Variants in SNTG1 observed in about 807,000 individuals in gnomAD.
SNTG1 encodes syntrophin gamma 1.
SNTG1 carries 39 observed loss-of-function variants against 74.7 expected under a neutral mutation model. The ratio of observed to expected loss-of-function variants is 0.52; its 90% CI spans 0.40 to 0.68. The LOEUF (loss-of-function observed/expected upper bound fraction) is 0.68. Ranked by LOEUF, SNTG1 falls within the 30% of genes least tolerant of loss-of-function variation. The pLI, the probability that SNTG1 is intolerant of heterozygous loss-of-function variation, is 0.00. For missense variants in SNTG1, 685 were observed against 609.5 expected, an observed-to-expected ratio of 1.12 and a Z score of -1.30; for synonymous variants, 254 against 217.1, an observed-to-expected ratio of 1.17 and a Z score of -1.49.
chr8:50,750,093 G>T (rs563395796), intron 17 of SNTG1, among the ~76,000 whole-genome samples: 4 of 152,056 alleles, frequency 2.6e-5, no homozygotes, highest in South Asian at 2.1e-4. Flanking sequence ...CATGGGAGGA[G>T]GTCAAAATAT....
chr8:50,041,219 A>G (rs977668776), intron 1 of SNTG1, among the ~76,000 whole-genome samples: 5 of 152,116 alleles, frequency 3.3e-5, no homozygotes, highest in Admixed American at 3.3e-4. Flanking sequence ...AGTTAAAATA[A>G]AATAGTATTA....
chr8:50,412,351 C>T (rs1186314835), intron 4 of SNTG1, among the ~76,000 whole-genome samples: 3 of 152,020 alleles, frequency 2.0e-5, no homozygotes, highest in African/African-American at 7.2e-5. Flanking sequence ...AAGGTGACTC[C>T]TTCTTTCTTC....
At chr8:50,779,849 T>C (rs1016146208) in intron 18 of SNTG1, among the ~76,000 whole-genome samples, 1 of 152,134 alleles carries the variant, frequency 6.6e-6, no homozygotes, top group African/African-American at 2.4e-5. Context: ...TTGTCACAGA[T>C]AGCTCTTATT....
intron 18 of SNTG1, among the ~76,000 whole-genome samples, chr8:50,786,669 G>A (rs1237083530): frequency 6.6e-6 from 1 of 151,928 alleles, no homozygotes; most frequent in African/African-American, 2.4e-5. Context: ...GAATACAATT[G>A]AGAGTCTAGA....
At chr8:50,554,304 A>G (rs1398591179) in intron 12 of SNTG1, among the ~76,000 whole-genome samples, 5 of 152,028 alleles carry the variant, frequency 3.3e-5, no homozygotes, top group African/African-American at 4.8e-5. Context: ...TGCATGGTCA[A>G]TTTTACCAGG....
At chr8:50,210,545 C>G (rs1586704672) in intron 2 of SNTG1, among the ~76,000 whole-genome samples, 1 of 152,178 alleles carries the variant, frequency 6.6e-6, no homozygotes, top group Non-Finnish European at 1.5e-5. Context: ...AGAAACTGTA[C>G]AAGCCAGAAG....
At chr8:50,405,153 G>A (rs138215746) in intron 4 of SNTG1, among the ~76,000 whole-genome samples, 259 of 151,982 alleles carry the variant, frequency 1.7e-3, no homozygotes, top group African/African-American at 6.0e-3. Flanking sequence ...TCAATTATTT[G>A]GTGTATATAC....
intron 18 of SNTG1, among the ~76,000 whole-genome samples, chr8:50,755,041 C>G (rs1431724276): frequency 2.0e-5 from 3 of 151,776 alleles, no homozygotes; most frequent in Admixed American, 6.6e-5. Flanking sequence ...AGCACAGCCC[C>G]CTCTGTAGTC....
rs555041958 is a variant in SNTG1, at chr8:50,544,190, G to A, written c.680+7382G>A. Among the ~76,000 whole-genome samples the A allele has an allele frequency of 1.5e-4, 23 of 151,710 alleles. No individual in the cohort carries two copies. The South Asian group carries it at 4.8e-3, about 32-fold the overall frequency. On this transcript the variant is annotated intron_variant, in intron 11 of 18. Coordinates refer to ENST00000642720, the MANE Select transcript of SNTG1 (RefSeq NM_018967.5). ...TATTCGTGTTTTTGTTATCATTTAA[G>A]TTATCGCCTAAGCATTATCATAGAG...
intron 9 of SNTG1, among the ~76,000 whole-genome samples, chr8:50,521,802 C>G (rs901958947): frequency 2.6e-5 from 4 of 152,034 alleles, no homozygotes; most frequent in African/African-American, 9.7e-5. Context: ...CTCAAGAAAA[C>G]ACTCATGAGA....
intron 2 of SNTG1, among the ~76,000 whole-genome samples, chr8:50,356,494 C>G (rs1587289776): frequency 6.6e-6 from 1 of 152,112 alleles, no homozygotes; most frequent in African/African-American, 2.4e-5. Flanking sequence ...ATATCTGAAA[C>G]TAGGTAAATT....
At chr8:50,649,730 T>C (rs1050892288) in intron 13 of SNTG1, among the ~76,000 whole-genome samples, 3 of 152,198 alleles carry the variant, frequency 2.0e-5, no homozygotes, top group Non-Finnish European at 2.9e-5. Flanking sequence ...TCATTAATGC[T>C]CTTGCCCACT....
chr8:50,520,643 T>C (rs1415157106), intron 9 of SNTG1, among the ~76,000 whole-genome samples: 3 of 152,118 alleles, frequency 2.0e-5, no homozygotes, highest in Non-Finnish European at 4.4e-5. Context: ...AAAGAAGACA[T>C]CTATGCAGCC....
chr8:50,601,833 C>G (rs1369431754), intron 13 of SNTG1, among the ~76,000 whole-genome samples: 2 of 151,978 alleles, frequency 1.3e-5, no homozygotes, highest in African/African-American at 4.8e-5. Flanking sequence ...ATTGCTATAT[C>G]CTCTTGATGA....
Position 50,450,507 on chromosome 8 carries a change from C to T in SNTG1, c.278-49C>T, listed in dbSNP as rs199592822. 9.4e-5 allele frequency: 150 copies of T among 1,590,236 alleles called. No individual in the cohort carries two copies. In the African/African-American group the frequency reaches 1.6e-3, roughly 17 times the overall value. ...ATTTAATTAAAAGTCCTTTCATCTG[C>T]ATAACAAAAACAGTCAATGCATTAT... On this transcript the variant is annotated intron_variant, in intron 6 of 18. Coordinates refer to ENST00000642720, the MANE Select transcript of SNTG1 (RefSeq NM_018967.5).
chr8:50,297,188 G>A (rs1303174261), intron 2 of SNTG1, among the ~76,000 whole-genome samples: 1 of 152,174 alleles, frequency 6.6e-6, no homozygotes, highest in African/African-American at 2.4e-5. Flanking sequence ...CTTATCTGCA[G>A]AAGATACGTT....
chr8:50,658,900 C>T (rs2095200886), intron 15 of SNTG1, among the ~76,000 whole-genome samples: 1 of 152,142 alleles, frequency 6.6e-6, no homozygotes, highest in African/African-American at 2.4e-5. Flanking sequence ...TGCAGTCCCA[C>T]CGTGGGTGAG....
At chr8:50,247,624 G>A (rs957674299) in intron 2 of SNTG1, among the ~76,000 whole-genome samples, 2 of 151,952 alleles carry the variant, frequency 1.3e-5, no homozygotes, top group Non-Finnish European at 2.9e-5. Context: ...TCCTGCCTCA[G>A]CCTCCTGAGT....
At chr8:50,171,790 ACTCTAT>A in intron 1 of SNTG1, among the ~76,000 whole-genome samples, 1 of 152,202 alleles carries the variant, frequency 6.6e-6, no homozygotes, top group South Asian at 2.1e-4. Flanking sequence ...TCAGAATTGA[ACTCTAT>A]CTCCTCAGTT....
Sources: allele counts gnomAD v4.1 joint callset (sites outside exome capture counted in the v4.1 genomes callset), GRCh38; gene constraint gnomAD v4.1.1; transcripts MANE v1.5; gene names NCBI Gene and HGNC (gene_info 2026-07-23, HGNC 2026-07-21).